The following PKHD1 variants were observed in gnomAD, a reference collection of about 807,000 sequenced individuals.
PKHD1 encodes fibrocystin.
A neutral mutation model predicts 412.0 loss-of-function variants in PKHD1; 291 were observed. The ratio of observed to expected loss-of-function variants is 0.71; its 90% CI spans 0.64 to 0.78. The LOEUF is 0.78. Among genes scored for constraint, PKHD1 ranks in the 30% least tolerant of loss-of-function variants. The pLI, the probability that PKHD1 is intolerant of heterozygous loss-of-function variation, is 0.00. For synonymous variants in PKHD1, 1,777 were observed against 1,821.5 expected, an observed-to-expected ratio of 0.98 and a Z score of 0.62; for missense variants, 4,825 against 4,950.7, an observed-to-expected ratio of 0.97 and a Z score of 0.76.
At chr6:51,626,501 T>C (rs1435257679) in intron 66 of PKHD1, among the ~76,000 whole-genome samples, 1 of 152,132 alleles carries the variant, frequency 6.6e-6, no homozygotes, top group Non-Finnish European at 1.5e-5. Flanking sequence ...TCATCTGACA[T>C]AACACACCAT....
intron 35 of PKHD1, among the ~76,000 whole-genome samples, chr6:51,982,130 C>G (rs1189592929): frequency 1.3e-4 from 7 of 52,602 alleles, no homozygotes; most frequent in South Asian, 7.0e-4. Context: ...GCAGCCACCC[C>G]GTCTGGGAAG....
chr6:52,065,763 T>C (rs1256952570), intron 12 of PKHD1, among the ~76,000 whole-genome samples: 1 of 152,196 alleles, frequency 6.6e-6, no homozygotes, highest in Non-Finnish European at 1.5e-5. Flanking sequence ...GCCTATGCAT[T>C]GTGAGTGTGT....
At chr6:51,886,045 T>G in intron 44 of PKHD1, 73 bp from the exon 45 acceptor site, 2 of 938,816 alleles carry the variant, frequency 2.1e-6, no homozygotes, top group Non-Finnish European at 3.5e-6. Flanking sequence ...TGTTGAAAAA[T>G]ACAAAGTAAA....
intron 64 of PKHD1, among the ~76,000 whole-genome samples, chr6:51,638,367 A>G (rs1768862496): frequency 6.6e-6 from 1 of 152,034 alleles, no homozygotes; most frequent in African/African-American, 2.4e-5. Context: ...TGTTTTTTTT[A>G]CATGTTTTGT....
rs189721478 is a variant in PKHD1, at chr6:51,932,224, T to A, written c.6121+1886A>T. ...ATTTGCTTAACCACAAAGGCTTACA[T>A]GCACAACGTACATTTAAAATACAGG... On this transcript the variant is annotated intron_variant, in intron 37 of 66. Transcript: ENST00000371117. Among the ~76,000 whole-genome samples the A allele has an allele frequency of 4.6e-5, 7 of 152,362 alleles. No individual in the cohort carries two copies. In the East Asian group the frequency reaches 1.2e-3, roughly 25 times the overall value.
chr6:51,928,120 A>C (rs1785979087), intron 37 of PKHD1, among the ~76,000 whole-genome samples: 1 of 152,170 alleles, frequency 6.6e-6, no homozygotes, highest in Admixed American at 6.5e-5. Context: ...AATATGAAAT[A>C]AGAAGGATTA....
chr6:52,010,193 C>T (rs1161856856), intron 35 of PKHD1, 116 bp downstream of exon 35: 1 of 849,430 alleles, frequency 1.2e-6, no homozygotes, highest in Non-Finnish European at 1.9e-6. Context: ...AAAGTTTGAG[C>T]ACATTTAATA....
chr6:51,980,098 C>T (rs12213800), intron 35 of PKHD1, among the ~76,000 whole-genome samples: 2,819 of 152,220 alleles, frequency 0.019, 40 homozygotes, highest in South Asian at 0.033. Context: ...TGAGCACTTG[C>T]CAAATTAATT....
rs556996304 is a variant in PKHD1, at chr6:51,705,000, C to T, written c.10156+39385G>A. ...GGCAATGTCTGAGGTAGTGGTGGCTCCCAAACTCCTATTTCAAAAGGACTG... is the reference window on the plus strand; with the variant it reads ...GGCAATGTCTGAGGTAGTGGTGGCTTCCAAACTCCTATTTCAAAAGGACTG... On this transcript the variant is annotated intron_variant, in intron 60 of 66. Transcript: ENST00000371117. Among the ~76,000 whole-genome samples the T allele has an allele frequency of 9.2e-5, 14 of 151,974 alleles. No homozygotes were observed. In the East Asian group the frequency reaches 2.1e-3, roughly 23 times the overall value.
At chr6:51,984,763 A>T (rs889897346) in intron 35 of PKHD1, among the ~76,000 whole-genome samples, 1 of 152,242 alleles carries the variant, frequency 6.6e-6, no homozygotes, top group African/African-American at 2.4e-5. Context: ...GCCTCTAAGG[A>T]ATGGAGAGGA....
chr6:51,806,367 C>A (rs1323511903), intron 52 of PKHD1, among the ~76,000 whole-genome samples: 1 of 152,044 alleles, frequency 6.6e-6, no homozygotes, highest in Non-Finnish European at 1.5e-5. Flanking sequence ...TCAAGAACAA[C>A]CCTGAGCAAT....
chr6:51,684,644 T>C (rs894860577), intron 60 of PKHD1, among the ~76,000 whole-genome samples: 2 of 152,090 alleles, frequency 1.3e-5, no homozygotes. Context: ...CTGCTAGATA[T>C]TCCCCCACTT....
At chr6:51,851,646 T>C (rs1023900895) in intron 49 of PKHD1, among the ~76,000 whole-genome samples, 3 of 152,204 alleles carry the variant, frequency 2.0e-5, no homozygotes, top group Admixed American at 6.5e-5. Context: ...GTAGGGTGTA[T>C]GCATCCAGGA....
chr6:51,855,007 C>G (rs1773020297), intron 49 of PKHD1, among the ~76,000 whole-genome samples: 1 of 152,212 alleles, frequency 6.6e-6, no homozygotes, highest in Admixed American at 6.5e-5. Context: ...AGCTGAGAGG[C>G]TGTAAGAATC....
intron 1 of PKHD1, among the ~76,000 whole-genome samples, chr6:52,085,532 C>A (rs2397074): frequency 0.3 from 45,631 of 151,810 alleles, 7,250 homozygotes; most frequent in East Asian, 0.43. Context: ...GAGATCCTGG[C>A]GCACCTTCGT....
At chr6:51,989,604 A>G (rs943801044) in intron 35 of PKHD1, among the ~76,000 whole-genome samples, 5 of 152,080 alleles carry the variant, frequency 3.3e-5, no homozygotes, top group African/African-American at 9.7e-5. Flanking sequence ...CCCATTATCT[A>G]GAGGAACTTT....
chr6:51,789,279 C>G (rs1424953457), intron 53 of PKHD1, among the ~76,000 whole-genome samples: 1 of 151,878 alleles, frequency 6.6e-6, no homozygotes, highest in Admixed American at 6.6e-5. Flanking sequence ...TTTTAAAAGC[C>G]CATCCTAAGG....
intron 28 of PKHD1, among the ~76,000 whole-genome samples, chr6:52,034,731 A>C (rs1803664699): frequency 6.6e-6 from 1 of 152,254 alleles, no homozygotes; most frequent in Non-Finnish European, 1.5e-5. Context: ...AGAAACATTT[A>C]GAAATTATCT....
chr6:51,865,325 G>A (rs914429086), intron 48 of PKHD1, among the ~76,000 whole-genome samples: 1 of 152,070 alleles, frequency 6.6e-6, no homozygotes, highest in Non-Finnish European at 1.5e-5. Flanking sequence ...AAATAGTGTG[G>A]CCAACTTCAA....
Sources: allele counts gnomAD v4.1 joint callset (sites outside exome capture counted in the v4.1 genomes callset), GRCh38; gene constraint gnomAD v4.1.1; transcripts MANE v1.5; gene names NCBI Gene and HGNC (gene_info 2026-07-23, HGNC 2026-07-21).